WDPCP: variants seen among roughly 807,000 people sequenced by gnomAD.
WDPCP encodes the protein WD repeat containing planar cell polarity effector.
A neutral mutation model predicts 93.1 loss-of-function variants in WDPCP; 71 were observed. That is an observed-to-expected ratio of 0.76 (90% CI 0.63 to 0.93). The LOEUF (loss-of-function observed/expected upper bound fraction) is 0.93. Among genes scored for constraint, WDPCP ranks in the 40% least tolerant of loss-of-function variants. The pLI is 0.00. For synonymous variants in WDPCP, 315 were observed against 315.0 expected, an observed-to-expected ratio of 1.00 and a Z score of 0.00; for missense variants, 844 against 887.4, an observed-to-expected ratio of 0.95 and a Z score of 0.62.
At chr2:63,164,023 T>C (rs1254715166) in intron 15 of WDPCP, among the ~76,000 whole-genome samples, 2 of 152,198 alleles carry the variant, frequency 1.3e-5, no homozygotes, top group African/African-American at 4.8e-5. Context: ...CCAACCAGTA[T>C]TGTAGTTAAT....
chr2:63,753,601 T>C (rs971767389), intron 2 of WDPCP, among the ~76,000 whole-genome samples: 16 of 152,154 alleles, frequency 1.1e-4, no homozygotes, highest in African/African-American at 3.9e-4. Flanking sequence ...GCACTTCACA[T>C]GGCCATAGCA....
intron 9 of WDPCP, among the ~76,000 whole-genome samples, chr2:63,425,976 A>G (rs1004673072): frequency 6.6e-6 from 1 of 152,200 alleles, no homozygotes. Context: ...GGGCCTAGAC[A>G]GAAGGGTCAG....
chr2:63,581,990 A>G (rs1278955261), intron 1 of WDPCP, among the ~76,000 whole-genome samples: 1 of 151,352 alleles, frequency 6.6e-6, no homozygotes, highest in Admixed American at 6.6e-5. Context: ...GCAAAACCCT[A>G]TCTTAAAAAA....
chr2:63,251,102 G>A (rs1006921231), intron 14 of WDPCP, among the ~76,000 whole-genome samples: 2 of 152,052 alleles, frequency 1.3e-5, no homozygotes, highest in African/African-American at 4.8e-5. Flanking sequence ...GATAGCAGAA[G>A]AAATGAAGTA....
At chr2:63,152,438 T>C (rs1671950843) in intron 17 of WDPCP, among the ~76,000 whole-genome samples, 1 of 152,064 alleles carries the variant, frequency 6.6e-6, no homozygotes, top group Admixed American at 6.6e-5. Context: ...CACACCTGGC[T>C]AATTTTTGTA....
intron 13 of WDPCP, among the ~76,000 whole-genome samples, chr2:63,279,048 A>G (rs1055207675): frequency 1.2e-4 from 19 of 152,224 alleles, no homozygotes; most frequent in African/African-American, 4.6e-4. Context: ...GCTGAATTCT[A>G]TCAGACATTC....
chr2:63,378,345 G>A (rs1295686313), intron 12 of WDPCP, 41 bp downstream of exon 12: 20 of 1,611,294 alleles, frequency 1.2e-5, no homozygotes, highest in Admixed American at 1.7e-5. Flanking sequence ...CCTGAAATAA[G>A]TAATTAGTCT....
chr2:63,400,540 A>G (rs559708703), intron 10 of WDPCP, among the ~76,000 whole-genome samples: 54 of 152,306 alleles, frequency 3.5e-4, no homozygotes, highest in Non-Finnish European at 6.5e-4. Flanking sequence ...CAAGAGAAAA[A>G]CAAACCCGTT....
intron 14 of WDPCP, among the ~76,000 whole-genome samples, chr2:63,212,396 C>A (rs1317721102): frequency 6.6e-6 from 1 of 152,116 alleles, no homozygotes; most frequent in Non-Finnish European, 1.5e-5. Flanking sequence ...GAAATAAAAT[C>A]CTTTACAGAC....
chr2:63,682,505 A>AT (rs1668723380), intron 2 of WDPCP, among the ~76,000 whole-genome samples: 2 of 152,178 alleles, frequency 1.3e-5, no homozygotes. Context: ...AAAAGAAAAA[A>AT]GAATAAAAAA....
chr2:63,763,871 G>C (rs748651886), intron 2 of WDPCP, among the ~76,000 whole-genome samples: 5 of 152,104 alleles, frequency 3.3e-5, no homozygotes, highest in South Asian at 4.1e-4. Flanking sequence ...GGTGGTGTTG[G>C]GGGGAGGGTC....
At chr2:63,766,088 A>T (rs865869648) in intron 2 of WDPCP, among the ~76,000 whole-genome samples, 2 of 152,214 alleles carry the variant, frequency 1.3e-5, no homozygotes, top group African/African-American at 4.8e-5. Context: ...GGAAATCAAG[A>T]AATATCACTG....
intron 1 of WDPCP, among the ~76,000 whole-genome samples, chr2:63,511,368 A>T (rs975763505): frequency 2.0e-5 from 3 of 152,194 alleles, no homozygotes; most frequent in African/African-American, 4.8e-5. Flanking sequence ...GCTACCATTG[A>T]CTTTCTTCAC....
intron 1 of WDPCP, among the ~76,000 whole-genome samples, chr2:63,583,125 A>G (rs934029289): frequency 6.6e-6 from 1 of 152,224 alleles, no homozygotes; most frequent in Non-Finnish European, 1.5e-5. Flanking sequence ...TCAGGAAAGG[A>G]GAAATGGAAG....
chr2:63,277,314 C>A (rs1208346767), intron 13 of WDPCP, among the ~76,000 whole-genome samples: 1 of 152,012 alleles, frequency 6.6e-6, no homozygotes, highest in Non-Finnish European at 1.5e-5. Context: ...ATAACAATAA[C>A]ACAATGGGAA....
chr2:63,532,565 A>G (rs1377014505), intron 1 of WDPCP, among the ~76,000 whole-genome samples: 2 of 152,224 alleles, frequency 1.3e-5, no homozygotes, highest in Non-Finnish European at 2.9e-5. Flanking sequence ...CAACATTCTC[A>G]AAGAAAAGAA....
chr2:63,255,685 T>C (rs1265225357), intron 14 of WDPCP, among the ~76,000 whole-genome samples: 2 of 152,192 alleles, frequency 1.3e-5, no homozygotes, highest in East Asian at 1.9e-4. Context: ...CTGAAGAACC[T>C]TGAACCAAAA....
chr2:63,550,791 GTA>G (rs59665154), intron 1 of WDPCP, among the ~76,000 whole-genome samples: 117,862 of 149,172 alleles, frequency 0.79, 47,289 homozygotes, highest in East Asian at 0.98. Flanking sequence ...ACATATATAT[GTA>G]TATATATATA....
At chr2:63,239,174 A>C (rs552030599) in intron 14 of WDPCP, among the ~76,000 whole-genome samples, 1 of 152,216 alleles carries the variant, frequency 6.6e-6, no homozygotes, top group Non-Finnish European at 1.5e-5. Context: ...CCTATAGCAA[A>C]AAAGTATTAT....
Sources: gnomAD v4.1 joint callset for allele counts (sites outside exome capture counted in the v4.1 genomes callset) on GRCh38, gnomAD v4.1.1 for gene constraint, MANE v1.5 for transcripts, NCBI Gene and HGNC (gene_info 2026-07-23, HGNC 2026-07-21) for gene names.